The following TAFA4 variants were observed in gnomAD, a reference collection of about 807,000 sequenced individuals.
TAFA4 encodes the protein chemokine-like protein TAFA-4.
A neutral mutation model predicts 21.1 loss-of-function variants in TAFA4; 20 were observed. The ratio of observed to expected loss-of-function variants is 0.95; its 90% CI spans 0.67 to 1.38. The LOEUF (loss-of-function observed/expected upper bound fraction) is 1.38. Among genes scored for constraint, TAFA4 ranks in the 40% most tolerant of loss-of-function variants. TAFA4 has a pLI of 0.00. For missense variants in TAFA4, 211 were observed against 180.9 expected (o/e 1.17, Z -0.95); for synonymous variants, 71 against 67.4 (o/e 1.05, Z -0.26).
intron 3 of TAFA4, among the ~76,000 whole-genome samples, chr3:68,842,513 A>C (rs1289597333): frequency 2.0e-5 from 3 of 152,160 alleles, no homozygotes; most frequent in Non-Finnish European, 4.4e-5. Flanking sequence ...CTCTGATGAT[A>C]GTTTCCTTTC....
intron 3 of TAFA4, among the ~76,000 whole-genome samples, chr3:68,823,078 T>G (rs1412231222): frequency 6.6e-6 from 1 of 152,190 alleles, no homozygotes; most frequent in African/African-American, 2.4e-5. Context: ...AATATAAGTA[T>G]CAAGATCTTC....
At chr3:68,860,904 T>C (rs1376668396) in intron 3 of TAFA4, among the ~76,000 whole-genome samples, 1 of 152,094 alleles carries the variant, frequency 6.6e-6, no homozygotes, top group Non-Finnish European at 1.5e-5. Context: ...GAAATTATTT[T>C]CTAAAATACT....
At chr3:68,820,671 A>C (rs1357262787) in intron 3 of TAFA4, among the ~76,000 whole-genome samples, 1 of 152,216 alleles carries the variant, frequency 6.6e-6, no homozygotes, top group African/African-American at 2.4e-5. Flanking sequence ...GTTTCAAAAA[A>C]GAAAAAGAAA....
intron 3 of TAFA4, among the ~76,000 whole-genome samples, chr3:68,822,628 T>C (rs888621349): frequency 2.6e-5 from 4 of 152,110 alleles, no homozygotes; most frequent in Admixed American, 1.3e-4. Flanking sequence ...AGTGCCACCA[T>C]GCCCAGTTAA....
chr3:68,915,856 G>T (rs1406138477), intron 1 of TAFA4, among the ~76,000 whole-genome samples: 1 of 152,128 alleles, frequency 6.6e-6, no homozygotes, highest in Admixed American at 6.5e-5. Flanking sequence ...GGGCACTTAA[G>T]ATACATATGA....
rs535884358 is a variant in TAFA4, at chr3:68,886,915, A to G, written c.-122-1605T>C. Among the ~76,000 whole-genome samples the G allele has an allele frequency of 9.2e-5, 14 of 152,366 alleles. 1 individual carries two copies. The South Asian group carries it at 2.9e-3, about 32-fold the overall frequency. On this transcript the variant is annotated intron_variant, in intron 1 of 5. Transcript: ENST00000295569. Reference sequence around the variant, plus strand: ...AACATGAGTTTTGGAGGAGACATTCAAGCCATAACATTCCACCTCTGGCCT... The same window carrying G: ...AACATGAGTTTTGGAGGAGACATTCGAGCCATAACATTCCACCTCTGGCCT...
At chr3:68,734,730 G>A (rs937970254) in intron 5 of TAFA4, among the ~76,000 whole-genome samples, 2 of 152,050 alleles carry the variant, frequency 1.3e-5, no homozygotes, top group South Asian at 4.1e-4. Context: ...AGAGATAATA[G>A]TACCTGCCCC....
At chr3:68,793,095 G>A (rs1703393106) in intron 3 of TAFA4, among the ~76,000 whole-genome samples, 1 of 151,968 alleles carries the variant, frequency 6.6e-6, no homozygotes, top group Non-Finnish European at 1.5e-5. Flanking sequence ...CTCAATTTTG[G>A]CAGGCAAATA....
chr3:68,864,564 A>G (rs1575647702), intron 3 of TAFA4, among the ~76,000 whole-genome samples: 1 of 152,132 alleles, frequency 6.6e-6, no homozygotes, highest in Non-Finnish European at 1.5e-5. Context: ...TACACCTACC[A>G]TATGAACCAG....
At chr3:68,817,563 A>C (rs1390240587) in intron 3 of TAFA4, among the ~76,000 whole-genome samples, 1 of 152,164 alleles carries the variant, frequency 6.6e-6, no homozygotes, top group African/African-American at 2.4e-5. Context: ...TAACTATATA[A>C]AGCAGCTATA....
intron 1 of TAFA4, among the ~76,000 whole-genome samples, chr3:68,912,787 C>T (rs959979489): frequency 6.6e-5 from 10 of 152,190 alleles, no homozygotes; most frequent in Non-Finnish European, 2.9e-5. Context: ...AATACCCTCT[C>T]TGGGGCTTCA....
At chr3:68,774,915 C>G (rs1703022232) in intron 3 of TAFA4, among the ~76,000 whole-genome samples, 1 of 152,108 alleles carries the variant, frequency 6.6e-6, no homozygotes, top group Non-Finnish European at 1.5e-5. Flanking sequence ...AGGCTCTATA[C>G]TTGTTCTCGG....
intron 1 of TAFA4, among the ~76,000 whole-genome samples, chr3:68,917,283 A>G (rs2090012268): frequency 6.6e-6 from 1 of 152,158 alleles, no homozygotes; most frequent in Admixed American, 6.5e-5. Flanking sequence ...CATCAGGTTA[A>G]TGTAATGACA....
intron 4 of TAFA4, among the ~76,000 whole-genome samples, 171 bp downstream of exon 4, chr3:68,752,692 T>C (rs768241072): frequency 1.3e-5 from 2 of 152,222 alleles, no homozygotes; most frequent in Non-Finnish European, 2.9e-5. Context: ...ATTGAAGGCA[T>C]ATCTTACCAT....
intron 3 of TAFA4, among the ~76,000 whole-genome samples, chr3:68,772,435 G>A (rs1435465035): frequency 6.6e-6 from 1 of 152,112 alleles, no homozygotes; most frequent in Non-Finnish European, 1.5e-5. Context: ...TTAGCTGGAG[G>A]CCCAGATAGA....
chr3:68,811,866 C>T (rs7618496), intron 3 of TAFA4, among the ~76,000 whole-genome samples: 96,015 of 151,588 alleles, frequency 0.63, 31,130 homozygotes, highest in East Asian at 0.98. Flanking sequence ...CCAAGACACA[C>T]AATTGTCAGA....
chr3:68,875,228 G>GTT (rs560801762), intron 3 of TAFA4, among the ~76,000 whole-genome samples: 9 of 142,500 alleles, frequency 6.3e-5, no homozygotes, highest in Non-Finnish European at 9.3e-5. Context: ...CAAACTTCCA[G>GTT]TTTTTTTTTT....
chr3:68,870,669 A>C (rs2089471410), intron 3 of TAFA4, among the ~76,000 whole-genome samples: 1 of 152,096 alleles, frequency 6.6e-6, no homozygotes, highest in Admixed American at 6.5e-5. Context: ...TGCTGCATCT[A>C]TCAGCCAACC....
intron 1 of TAFA4, 143 bp from the exon 2 acceptor site, chr3:68,885,453 T>C (rs1248150019): frequency 2.0e-6 from 1 of 504,292 alleles, no homozygotes; most frequent in East Asian, 3.3e-5. Flanking sequence ...AACATATCCA[T>C]AGTTGTAAGG....
Sources: gnomAD v4.1 joint callset for allele counts (sites outside exome capture counted in the v4.1 genomes callset) on GRCh38, gnomAD v4.1.1 for gene constraint, MANE v1.5 for transcripts, NCBI Gene and HGNC (gene_info 2026-07-23, HGNC 2026-07-21) for gene names.